PCNX1: variants seen among roughly 807,000 people sequenced by gnomAD.
PCNX1 encodes pecanex 1.
Under a neutral mutation model 242.2 loss-of-function variants are expected in PCNX1, and 78 were observed. That is an observed-to-expected ratio of 0.32 (90% CI 0.27 to 0.39). The LOEUF is 0.39. PCNX1 is among the 10% of genes least tolerant of loss of function. The pLI is 1.00. For synonymous variants in PCNX1, 1,024 were observed against 1,032.9 expected (o/e 0.99, Z 0.17); for missense variants, 2,581 against 2,856.5 (o/e 0.90, Z 2.20).
intron 32 of PCNX1, among the ~76,000 whole-genome samples, chr14:71,103,977 ATTTG>A (rs1300606996): frequency 2.0e-5 from 3 of 152,266 alleles, no homozygotes; most frequent in East Asian, 1.9e-4. Flanking sequence ...ATATTTGAAT[ATTTG>A]TTCTGTACAA....
intron 1 of PCNX1, among the ~76,000 whole-genome samples, chr14:70,935,874 G>A (rs1171800317): frequency 6.6e-6 from 1 of 152,056 alleles, no homozygotes; most frequent in Non-Finnish European, 1.5e-5. Context: ...ATTCCTGTCT[G>A]GAAATGAAGG....
At chr14:71,106,040 G>A (rs984997026) in intron 33 of PCNX1, among the ~76,000 whole-genome samples, 2 of 151,382 alleles carry the variant, frequency 1.3e-5, no homozygotes, top group African/African-American at 4.9e-5. Context: ...TTGAGACAGA[G>A]TCTCACTCTG....
intron 25 of PCNX1, among the ~76,000 whole-genome samples, chr14:71,056,260 T>G (rs2061179175): frequency 6.6e-6 from 1 of 152,190 alleles, no homozygotes; most frequent in East Asian, 1.9e-4. Flanking sequence ...TAATTCTCAG[T>G]GATAAAATTG....
intron 26 of PCNX1, among the ~76,000 whole-genome samples, chr14:71,070,644 A>C (rs2061564514): frequency 6.6e-6 from 1 of 152,224 alleles, no homozygotes; most frequent in South Asian, 2.1e-4. Context: ...TCTGAACAGT[A>C]GGCTTAAAAT....
At chr14:71,107,686 T>C (rs2062661964) in intron 33 of PCNX1, among the ~76,000 whole-genome samples, 2 of 152,170 alleles carry the variant, frequency 1.3e-5, no homozygotes, top group Non-Finnish European at 2.9e-5. Context: ...GATCCCCAAA[T>C]GTATATGAAA....
chr14:70,908,911 G>A (rs1425962026), intron 1 of PCNX1, among the ~76,000 whole-genome samples: 2 of 152,220 alleles, frequency 1.3e-5, no homozygotes, highest in East Asian at 1.9e-4. Context: ...CACAGGTTAG[G>A]GTGGGGCGTT....
chr14:71,056,565 A>G (rs572600253), intron 25 of PCNX1, among the ~76,000 whole-genome samples: 1 of 152,312 alleles, frequency 6.6e-6, no homozygotes. Flanking sequence ...ATATTTTACC[A>G]TTCTCCAATA....
At chr14:70,962,172 G>T in intron 2 of PCNX1, 54 bp from the exon 3 acceptor site, 1 of 1,063,110 alleles carries the variant, frequency 9.4e-7, no homozygotes, top group Non-Finnish European at 1.5e-6. Flanking sequence ...CAAAGGAAAA[G>T]CATTGGAGTC....
intron 18 of PCNX1, among the ~76,000 whole-genome samples, chr14:71,034,821 T>C (rs974645557): frequency 1.3e-5 from 2 of 152,202 alleles, no homozygotes; most frequent in Non-Finnish European, 2.9e-5. Context: ...AACTTTAGTT[T>C]CCATGTTGGC....
intron 1 of PCNX1, among the ~76,000 whole-genome samples, chr14:70,945,452 T>A (rs1422278417): frequency 1.3e-5 from 2 of 152,180 alleles, no homozygotes; most frequent in Non-Finnish European, 2.9e-5. Context: ...AATCCAAGTA[T>A]TTAAAAATAA....
At chr14:71,083,821 T>C (rs925717116) in intron 28 of PCNX1, among the ~76,000 whole-genome samples, 2 of 152,166 alleles carry the variant, frequency 1.3e-5, no homozygotes, top group Non-Finnish European at 2.9e-5. Context: ...AGGAGTTTGT[T>C]ATTACCCATG....
intron 19 of PCNX1, among the ~76,000 whole-genome samples, chr14:71,037,768 G>C (rs571628153): frequency 0.035 from 5,198 of 150,634 alleles, 277 homozygotes; most frequent in African/African-American, 0.12. Flanking sequence ...ATCGCCAAGT[G>C]AATCCTAAGC....
intron 8 of PCNX1, among the ~76,000 whole-genome samples, chr14:70,996,871 C>T (rs2059368065): frequency 6.6e-6 from 1 of 152,012 alleles, no homozygotes; most frequent in Non-Finnish European, 1.5e-5. Context: ...TATATGCTAC[C>T]TATTCATTGA....
At chr14:70,982,912 C>A (rs959040013) in intron 6 of PCNX1, among the ~76,000 whole-genome samples, 2 of 152,132 alleles carry the variant, frequency 1.3e-5, no homozygotes, top group African/African-American at 4.8e-5. Flanking sequence ...GAATAATAAC[C>A]GTCTAGACCT....
chr14:70,949,761 A>G (rs773178541), intron 2 of PCNX1, among the ~76,000 whole-genome samples: 3 of 152,244 alleles, frequency 2.0e-5, no homozygotes, highest in East Asian at 1.9e-4. Context: ...CACTTTACCT[A>G]TTTGACAGAA....
chr14:71,047,508 G>C (rs946704900), intron 21 of PCNX1, among the ~76,000 whole-genome samples: 1 of 151,934 alleles, frequency 6.6e-6, no homozygotes, highest in African/African-American at 2.4e-5. Context: ...AAATGCAGTT[G>C]GTGTTAAAGT....
chr14:71,066,372 G>A (rs2061447470), intron 26 of PCNX1, among the ~76,000 whole-genome samples: 1 of 152,110 alleles, frequency 6.6e-6, no homozygotes, highest in African/African-American at 2.4e-5. Context: ...TCTCTTTGTA[G>A]CAGTTGTGAA....
intron 26 of PCNX1, among the ~76,000 whole-genome samples, chr14:71,058,677 G>A (rs1487425237): frequency 1.3e-5 from 2 of 152,192 alleles, no homozygotes; most frequent in African/African-American, 4.8e-5. Context: ...TTGCACCTTA[G>A]CTATGTAGTG....
At chr14:71,067,249 T>C (rs1159073746) in intron 26 of PCNX1, among the ~76,000 whole-genome samples, 2 of 152,196 alleles carry the variant, frequency 1.3e-5, no homozygotes, top group Non-Finnish European at 2.9e-5. Flanking sequence ...TCCTGGACTC[T>C]CTTTGGTTGG....
Sources: gnomAD v4.1 joint callset for allele counts (sites outside exome capture counted in the v4.1 genomes callset) on GRCh38, gnomAD v4.1.1 for gene constraint, MANE v1.5 for transcripts, NCBI Gene and HGNC (gene_info 2026-07-23, HGNC 2026-07-21) for gene names.